RGL1: variants seen among roughly 807,000 people sequenced by gnomAD.
RGL1 encodes ral guanine nucleotide dissociation stimulator-like 1.
A neutral mutation model predicts 95.2 loss-of-function variants in RGL1; 24 were observed. The observed-to-expected ratio is 0.25, with a 90% CI of 0.18 to 0.35. RGL1 has a LOEUF of 0.35. Ranked by LOEUF, RGL1 falls within the 10% of genes least tolerant of loss-of-function variation. The probability of loss-of-function intolerance (pLI) is 1.00; values close to 1 mark genes in which losing one functional copy is unlikely to be tolerated. For synonymous variants in RGL1, 329 were observed against 344.9 expected (o/e 0.95, Z 0.51); for missense variants, 715 against 936.3 (o/e 0.76, Z 3.08).
intron 13 of RGL1, among the ~76,000 whole-genome samples, chr1:183,906,070 T>A (rs1008721199): frequency 9.2e-5 from 14 of 152,168 alleles, no homozygotes; most frequent in African/African-American, 3.1e-4. Context: ...TTTGGAAGTT[T>A]ATCATAAGGG....
chr1:183,710,220 AC>A, intron 1 of RGL1: 1 of 191,794 alleles, frequency 5.2e-6, no homozygotes, highest in African/African-American at 2.4e-5. Context: ...GCACACTCTT[AC>A]CAGTGCTGTG....
rs763476179 is a variant in RGL1 at position 183,884,821 on chromosome 1, C to G, written c.834C>G (p.Ala278=). The G allele has an allele frequency of 6.2e-7, 1 of 1,614,162 alleles. No individual in the cohort carries two copies. Among genetic ancestry groups the G allele is most frequent in the Non-Finnish European group, 8.5e-7 (1 of 1,179,996 alleles). ...AACATTTGGCTCCTACGATCCGTGCCACCATCTCTCAGTTTAATACCCTCA... is the reference window on the plus strand; with the variant it reads ...AACATTTGGCTCCTACGATCCGTGCGACCATCTCTCAGTTTAATACCCTCA... ...ENKHLAPTIR[A]TISQFNTLTK... is the part of the protein sequence containing the mutation. Residue 278 remains alanine (A), a synonymous_variant, in exon 7 of 18, where the codon GCC becomes GCG. Coordinates refer to ENST00000360851, the MANE Select transcript of RGL1 (RefSeq NM_001297671.3).
chr1:183,909,662 G>A (rs1668534395), intron 14 of RGL1, among the ~76,000 whole-genome samples: 1 of 152,134 alleles, frequency 6.6e-6, no homozygotes, highest in Non-Finnish European at 1.5e-5. Flanking sequence ...ATATGCTTGA[G>A]CTCTTGGAAT....
At chr1:183,802,865 A>G (rs1661072724), upstream of RGL1, among the ~76,000 whole-genome samples, 1 of 152,236 alleles carries the variant, frequency 6.6e-6, no homozygotes, top group African/African-American at 2.4e-5. Context: ...CTGTTAGGTC[A>G]CGGGAAGGCT....
At chr1:183,890,298 G>C (rs1319074491) in intron 8 of RGL1, among the ~76,000 whole-genome samples, 1 of 152,138 alleles carries the variant, frequency 6.6e-6, no homozygotes, top group Non-Finnish European at 1.5e-5. Context: ...CAGCAAGTTT[G>C]AGACTAAAAC....
At chr1:183,736,873 C>G (rs1460582473) in intron 1 of RGL1, among the ~76,000 whole-genome samples, 1 of 152,058 alleles carries the variant, frequency 6.6e-6, no homozygotes, top group Non-Finnish European at 1.5e-5. Flanking sequence ...AAGCATGACC[C>G]TAATAGATAA....
chr1:183,874,640 CTCCTAGTATTTGAA>C (rs1160307327), intron 4 of RGL1, among the ~76,000 whole-genome samples: 3 of 152,066 alleles, frequency 2.0e-5, no homozygotes, highest in African/African-American at 7.2e-5. Flanking sequence ...TTCACGTCTC[CTCCTAGTATTTGAA>C]TCCCTGTTTA....
chr1:183,824,162 A>G (rs4278339), intron 2 of RGL1, among the ~76,000 whole-genome samples: 39,532 of 151,998 alleles, frequency 0.26, 5,840 homozygotes, highest in East Asian at 0.4. Context: ...GGATTTTGGG[A>G]ACATTTGTTG....
chr1:183,750,754 C>G (rs904455229), intron 2 of RGL1, among the ~76,000 whole-genome samples: 1 of 152,182 alleles, frequency 6.6e-6, no homozygotes, highest in Non-Finnish European at 1.5e-5. Flanking sequence ...GCGTGGGCAT[C>G]CTATTTGTTG....
chr1:183,805,174 G>T lies in RGL1; in HGVS notation c.-124G>T. The T allele has an allele frequency of 1.5e-6, 2 of 1,349,198 alleles. No individual in the cohort carries two copies. Among genetic ancestry groups the T allele is most frequent in the Non-Finnish European group, 2.0e-6 (2 of 1,016,438 alleles). 83.6% of individuals were successfully genotyped at this position (1,349,198 alleles called of 1,614,324 possible). ...CGGGGGCAGCGCGGCGCGTGTCTGT[G>T]CGCTGCGGTCGCTCGGGACCGGGAC... is the stretch of plus-strand genomic sequence containing the variant. On this transcript the variant is annotated 5_prime_UTR_variant, in exon 1 of 18. Transcript: ENST00000360851.
chr1:183,815,602 G>A (rs939647402), intron 2 of RGL1, among the ~76,000 whole-genome samples: 2 of 152,162 alleles, frequency 1.3e-5, no homozygotes, highest in African/African-American at 4.8e-5. Flanking sequence ...AGGTAGCTTA[G>A]CACAGTGGTC....
chr1:183,812,661 A>G (rs1661802435), intron 2 of RGL1, among the ~76,000 whole-genome samples: 1 of 152,224 alleles, frequency 6.6e-6, no homozygotes, highest in African/African-American at 2.4e-5. Context: ...GGGCATTTAA[A>G]TCAAATGCGA....
chr1:183,911,942 C>A, intron 14 of RGL1, 140 bp from the exon 15 acceptor site: 2 of 702,386 alleles, frequency 2.8e-6, no homozygotes, highest in South Asian at 2.0e-5. Context: ...AACTTTATAG[C>A]GAATGTCCTC....
intron 1 of RGL1, among the ~76,000 whole-genome samples, chr1:183,698,697 A>C (rs950097607): frequency 6.6e-6 from 1 of 152,270 alleles, no homozygotes; most frequent in Non-Finnish European, 1.5e-5. Context: ...ATTATCCAAT[A>C]TAGTTTTAAG....
At chr1:183,899,046 G>A (rs980775635) in intron 10 of RGL1, among the ~76,000 whole-genome samples, 1 of 152,196 alleles carries the variant, frequency 6.6e-6, no homozygotes, top group Non-Finnish European at 1.5e-5. Flanking sequence ...GAGATTTAGT[G>A]AAATGAATAT....
At chr1:183,822,004 A>G (rs1024847103) in intron 2 of RGL1, among the ~76,000 whole-genome samples, 4 of 152,128 alleles carry the variant, frequency 2.6e-5, no homozygotes, top group Non-Finnish European at 4.4e-5. Context: ...GACAGAAAAC[A>G]TGTCCTTACA....
At chr1:183,715,415 G>A (rs919284670) in intron 1 of RGL1, among the ~76,000 whole-genome samples, 1 of 152,106 alleles carries the variant, frequency 6.6e-6, no homozygotes, top group Non-Finnish European at 1.5e-5. Flanking sequence ...TGAACTGATT[G>A]TTATATAGAT....
At chr1:183,661,770 T>A (rs562420037) in intron 1 of RGL1, among the ~76,000 whole-genome samples, 1 of 151,024 alleles carries the variant, frequency 6.6e-6, no homozygotes, top group East Asian at 1.9e-4. Flanking sequence ...AAGAGAATTT[T>A]AGACCAATAT....
chr1:183,676,195 G>T (rs1652818197), intron 1 of RGL1, among the ~76,000 whole-genome samples: 1 of 152,020 alleles, frequency 6.6e-6, no homozygotes, highest in Non-Finnish European at 1.5e-5. Context: ...AAATAGAACA[G>T]AATGAGAGTA....
Sources: allele counts gnomAD v4.1 joint callset (sites outside exome capture counted in the v4.1 genomes callset), GRCh38; gene constraint gnomAD v4.1.1; transcripts MANE v1.5; gene names NCBI Gene and HGNC (gene_info 2026-07-23, HGNC 2026-07-21).